NOL4: variants seen among roughly 807,000 people sequenced by gnomAD.
NOL4 encodes cancer/testis antigen 125.
In NOL4, 17 loss-of-function variants were observed where a neutral mutation model predicts 75.9. That is an observed-to-expected ratio of 0.22 (90% CI 0.15 to 0.34). NOL4 has a LOEUF of 0.34. NOL4 is among the 10% of genes least tolerant of loss of function. The pLI, the probability that NOL4 is intolerant of heterozygous loss-of-function variation, is 1.00. For missense variants in NOL4, 614 were observed against 793.5 expected, an observed-to-expected ratio of 0.77 and a Z score of 2.72; for synonymous variants, 292 against 289.9, an observed-to-expected ratio of 1.01 and a Z score of -0.07.
At chr18:34,156,502 A>G (rs2030416879) in intron 1 of NOL4, 1 of 152,176 alleles carries the variant, frequency 6.6e-6, no homozygotes, top group Non-Finnish European at 1.5e-5. Flanking sequence ...TTCTAAAAGT[A>G]TAAGAACCAT....
At chr18:33,963,361 G>A (rs1267084120) in intron 6 of NOL4, among the ~76,000 whole-genome samples, 1 of 152,114 alleles carries the variant, frequency 6.6e-6, no homozygotes, top group East Asian at 1.9e-4. Context: ...GGGGGAATGT[G>A]AGTATTGGAA....
chr18:34,163,778 G>A (rs545335391), intron 1 of NOL4, among the ~76,000 whole-genome samples: 15 of 152,110 alleles, frequency 9.9e-5, no homozygotes, highest in South Asian at 6.2e-4. Flanking sequence ...AGCCCGCATC[G>A]CCAAGTCAAT....
Position 34,037,949 on chromosome 18 carries a change from A to G in NOL4, c.773-18348T>C, listed in dbSNP as rs539908139. On this transcript the variant is annotated intron_variant, in intron 5 of 10. Transcript: ENST00000261592. ...GTAAAGGAAACAAACTACAAAGTGA[A>G]GAAACAATCAGTTGAATAGGAGAGA... Among the ~76,000 whole-genome samples the G allele has an allele frequency of 2.0e-5, 3 of 152,272 alleles. No individual in the cohort carries two copies. The East Asian group carries it at 5.8e-4, about 29-fold the overall frequency.
chr18:34,025,669 A>T (rs2075304297), intron 5 of NOL4, among the ~76,000 whole-genome samples: 1 of 152,168 alleles, frequency 6.6e-6, no homozygotes, highest in African/African-American at 2.4e-5. Flanking sequence ...CCTCACAGAA[A>T]AATGTTACTT....
chr18:33,976,545 T>C (rs372213069), intron 6 of NOL4, among the ~76,000 whole-genome samples: 53 of 152,186 alleles, frequency 3.5e-4, no homozygotes, highest in African/African-American at 1.3e-3. Flanking sequence ...GTTTCCACAA[T>C]TGAAATAGTA....
intron 1 of NOL4, among the ~76,000 whole-genome samples, chr18:34,145,384 AT>A (rs1377085447): frequency 6.6e-6 from 1 of 152,008 alleles, no homozygotes; most frequent in African/African-American, 2.4e-5. Context: ...TTAGTAAAAC[AT>A]TTACAAATAA....
chr18:33,895,716 G>T (rs1035250685), intron 9 of NOL4, among the ~76,000 whole-genome samples: 60 of 151,974 alleles, frequency 3.9e-4, no homozygotes, highest in African/African-American at 1.4e-3. Context: ...ATGGGAAAAC[G>T]CTGGAAGCAT....
intron 1 of NOL4, among the ~76,000 whole-genome samples, chr18:34,151,963 A>G (rs1346358497): frequency 6.6e-6 from 1 of 151,894 alleles, no homozygotes; most frequent in Non-Finnish European, 1.5e-5. Context: ...CAACCAGCTC[A>G]AGGAATTTTT....
intron 9 of NOL4, among the ~76,000 whole-genome samples, chr18:33,909,729 C>A (rs2066277680): frequency 6.6e-6 from 1 of 152,024 alleles, no homozygotes; most frequent in African/African-American, 2.4e-5. Context: ...AGACGGTCAT[C>A]TGGGTGCTGG....
intron 5 of NOL4, among the ~76,000 whole-genome samples, chr18:34,058,377 G>A (rs1036037839): frequency 1.3e-5 from 2 of 152,086 alleles, no homozygotes; most frequent in Non-Finnish European, 2.9e-5. Flanking sequence ...CTCGTGATCT[G>A]CCCGCCTTGG....
At chr18:34,095,893 G>A (rs2078756022) in intron 4 of NOL4, among the ~76,000 whole-genome samples, 1 of 151,690 alleles carries the variant, frequency 6.6e-6, no homozygotes, top group African/African-American at 2.4e-5. Context: ...GTCACAAAAA[G>A]CTAACTATAA....
In NOL4 at chr18:34,217,718, C is replaced by T. The variant is rs1267104001; in HGVS notation, c.264+5272G>A. Among the ~76,000 whole-genome samples the T allele has an allele frequency of 2.6e-5, 4 of 151,780 alleles. No individual in the cohort carries two copies. The South Asian group carries it at 6.2e-4, about 24-fold the overall frequency. ...TTTTTTTTAGCATTTACTATGTCCC[C>T]GGCATATGCTACATATACCACATGC... On this transcript the variant is annotated intron_variant, in intron 1 of 10. Transcript: ENST00000261592.
chr18:34,121,082 G>T (rs1329445687), intron 2 of NOL4, among the ~76,000 whole-genome samples: 1 of 151,966 alleles, frequency 6.6e-6, no homozygotes, highest in East Asian at 1.9e-4. Flanking sequence ...TAAGTAGATG[G>T]GCAATGAAAA....
At chr18:34,050,212 A>G (rs1046351950) in intron 5 of NOL4, among the ~76,000 whole-genome samples, 1 of 152,048 alleles carries the variant, frequency 6.6e-6, no homozygotes, top group African/African-American at 2.4e-5. Context: ...GCATTCTCAT[A>G]ATTCAAAAAG....
At chr18:34,007,488 A>G (rs1182775762) in intron 6 of NOL4, among the ~76,000 whole-genome samples, 1 of 152,048 alleles carries the variant, frequency 6.6e-6, no homozygotes, top group Non-Finnish European at 1.5e-5. Context: ...AATACCAGCT[A>G]TCAAGACAAG....
At chr18:34,014,807 T>C (rs1373120515) in intron 6 of NOL4, among the ~76,000 whole-genome samples, 1 of 152,058 alleles carries the variant, frequency 6.6e-6, no homozygotes, top group African/African-American at 2.4e-5. Flanking sequence ...GCTAGTCTAG[T>C]GAGTTAATTT....
rs763887122 is a variant in NOL4 at position 34,143,886 on chromosome 18, A to C, written c.265-13866T>G. ...TCTCAAAAAAAAAAAAAAAAAAAAAACCTGAAACTTCTTTCAGCTCTACTA... is the reference window on the plus strand; with the variant it reads ...TCTCAAAAAAAAAAAAAAAAAAAAACCCTGAAACTTCTTTCAGCTCTACTA... On this transcript the variant is annotated intron_variant, in intron 1 of 10. Transcript: ENST00000261592. 7.5e-3 allele frequency among the ~76,000 whole-genome samples: 1,088 copies of C among 145,476 alleles called. 5 individuals are homozygous for C. Among genetic ancestry groups the C allele is most frequent in the Middle Eastern group, 0.032 (9 of 278 alleles).
intron 1 of NOL4, among the ~76,000 whole-genome samples, chr18:34,169,982 C>A (rs529075546): frequency 1.3e-5 from 2 of 152,224 alleles, no homozygotes; most frequent in East Asian, 3.9e-4. Context: ...TCTGTTTCTT[C>A]CATTTAACTG....
chr18:34,162,815 G>A (rs2031721045), intron 1 of NOL4, among the ~76,000 whole-genome samples: 2 of 152,142 alleles, frequency 1.3e-5, no homozygotes, highest in South Asian at 4.1e-4. Context: ...CCAATATCCT[G>A]ATGAACATTG....
Sources: allele counts gnomAD v4.1 joint callset (sites outside exome capture counted in the v4.1 genomes callset), GRCh38; gene constraint gnomAD v4.1.1; transcripts MANE v1.5; gene names NCBI Gene and HGNC (gene_info 2026-07-23, HGNC 2026-07-21).